UNC5C: variants seen among roughly 807,000 people sequenced by gnomAD.
The protein encoded by UNC5C is netrin receptor UNC5C.
Under a neutral mutation model 99.8 loss-of-function variants are expected in UNC5C, and 47 were observed. The ratio of observed to expected loss-of-function variants is 0.47; its 90% CI spans 0.37 to 0.60. The LOEUF is 0.60. Among genes scored for constraint, UNC5C ranks in the 20% least tolerant of loss-of-function variants. The pLI, the probability that UNC5C is intolerant of heterozygous loss-of-function variation, is 0.00. For synonymous variants in UNC5C, 487 were observed against 452.2 expected (o/e 1.08, Z -0.98); for missense variants, 1,062 against 1,165.9 (o/e 0.91, Z 1.30).
At position 95,333,661 on chromosome 4, in the gene UNC5C, T is replaced by G. The variant is rs185288697; in HGVS notation, c.346+1749A>C. On this transcript the variant is annotated intron_variant, in intron 2 of 15. Transcript: ENST00000453304. ...GGGTGCAGCACACCAACATGGCACA[T>G]GTATACATATGTAACTAACCTGCAC... Among the ~76,000 whole-genome samples, 513 of 152,252 alleles carry G rather than the reference T, an allele frequency of 3.4e-3. 2 individuals are homozygous for G. The highest frequency in any genetic ancestry group is 5.8e-3 in the Non-Finnish European group (393 of 68,000).
chr4:95,256,429 T>A (rs1418094942), intron 4 of UNC5C, among the ~76,000 whole-genome samples: 1 of 152,006 alleles, frequency 6.6e-6, no homozygotes, highest in Non-Finnish European at 1.5e-5. Flanking sequence ...TGTTGACCAC[T>A]TTTTTCCTCT....
rs189118388 is a variant in UNC5C, at chr4:95,225,159, C to T, written c.1109-4983G>A. Among the ~76,000 whole-genome samples the T allele has an allele frequency of 1.7e-4, 26 of 152,186 alleles. No individual in the cohort carries two copies. The South Asian group carries it at 1.9e-3, about 11-fold the overall frequency. On this transcript the variant is annotated intron_variant, in intron 7 of 15. Transcript: ENST00000453304. ...GCAACCTCCGCCTCCCGGGTTCAAGCGATTCTCCTGTCTCAGCCTCCCGAG... is the reference window on the plus strand; with the variant it reads ...GCAACCTCCGCCTCCCGGGTTCAAGTGATTCTCCTGTCTCAGCCTCCCGAG...
intron 1 of UNC5C, among the ~76,000 whole-genome samples, chr4:95,461,617 G>A (rs1009662308): frequency 1.3e-5 from 2 of 152,116 alleles, no homozygotes; most frequent in African/African-American, 4.8e-5. Context: ...CATTTGAATT[G>A]TTTCTGTTAC....
At chr4:95,317,848 C>T (rs375392231) in intron 2 of UNC5C, among the ~76,000 whole-genome samples, 6 of 152,180 alleles carry the variant, frequency 3.9e-5, no homozygotes, top group Non-Finnish European at 7.3e-5. Flanking sequence ...CACTCCTACT[C>T]GGTCTCTCCA....
intron 7 of UNC5C, among the ~76,000 whole-genome samples, chr4:95,222,575 G>T (rs1172265262): frequency 6.6e-6 from 1 of 152,068 alleles, no homozygotes; most frequent in East Asian, 1.9e-4. Context: ...GACATCAGGG[G>T]TCATTAGCAT....
At chr4:95,440,113 C>G (rs1393106507) in intron 1 of UNC5C, among the ~76,000 whole-genome samples, 1 of 152,286 alleles carries the variant, frequency 6.6e-6, no homozygotes, top group South Asian at 2.1e-4. Flanking sequence ...TGCAGCGACC[C>G]TCAGATACCT....
chr4:95,502,091 G>A (rs1721789890), intron 1 of UNC5C, among the ~76,000 whole-genome samples: 1 of 152,014 alleles, frequency 6.6e-6, no homozygotes, highest in Non-Finnish European at 1.5e-5. Flanking sequence ...ATGGTGCTGT[G>A]TTCTTACTTC....
At chr4:95,284,124 AT>A (rs142230181) in intron 3 of UNC5C, among the ~76,000 whole-genome samples, 9 of 150,212 alleles carry the variant, frequency 6.0e-5, no homozygotes, top group South Asian at 2.1e-4. Context: ...GCTTTCAGTG[AT>A]TTTTTTTTTG....
At chr4:95,500,979 A>T (rs535982008) in intron 1 of UNC5C, among the ~76,000 whole-genome samples, 1 of 152,130 alleles carries the variant, frequency 6.6e-6, no homozygotes, top group Non-Finnish European at 1.5e-5. Context: ...CTGCATGATC[A>T]TTAGTCGAAA....
intron 1 of UNC5C, among the ~76,000 whole-genome samples, chr4:95,548,190 G>T (rs1342597993): frequency 2.0e-5 from 3 of 152,126 alleles, no homozygotes; most frequent in Admixed American, 6.6e-5. Flanking sequence ...AGGCGAGGGG[G>T]ACGGGTGCTT....
chr4:95,186,157 TC>T (rs1185487062), intron 12 of UNC5C, among the ~76,000 whole-genome samples: 3 of 152,306 alleles, frequency 2.0e-5, no homozygotes, highest in Middle Eastern at 3.4e-3. Flanking sequence ...GTTACTCCTC[TC>T]ATGCCTTAAA....
chr4:95,175,688 A>G (rs1488710640), intron 14 of UNC5C, among the ~76,000 whole-genome samples: 7 of 151,828 alleles, frequency 4.6e-5, no homozygotes, highest in East Asian at 3.9e-4. Context: ...TTTTTCCTTC[A>G]TTTCAACTTT....
At chr4:95,262,649 C>T (rs1740285568) in intron 4 of UNC5C, among the ~76,000 whole-genome samples, 1 of 151,836 alleles carries the variant, frequency 6.6e-6, no homozygotes, top group Non-Finnish European at 1.5e-5. Flanking sequence ...CAATTTGATC[C>T]CTATGGTCAA....
chr4:95,515,829 G>A (rs2149488735), intron 1 of UNC5C, among the ~76,000 whole-genome samples: 1 of 152,228 alleles, frequency 6.6e-6, no homozygotes, highest in East Asian at 1.9e-4. Context: ...CTATTTTAGG[G>A]CTGTATGCTG....
At chr4:95,240,717 T>C (rs1739301305) in intron 7 of UNC5C, among the ~76,000 whole-genome samples, 1 of 152,224 alleles carries the variant, frequency 6.6e-6, no homozygotes, top group Non-Finnish European at 1.5e-5. Flanking sequence ...CTTCATGCCA[T>C]CATTACTGGC....
chr4:95,480,721 T>C (rs925606293), intron 1 of UNC5C, among the ~76,000 whole-genome samples: 14 of 152,042 alleles, frequency 9.2e-5, no homozygotes, highest in African/African-American at 2.9e-4. Flanking sequence ...AATCAATAAA[T>C]GTAATCCAGC....
intron 1 of UNC5C, among the ~76,000 whole-genome samples, chr4:95,542,284 A>G (rs574193610): frequency 1.3e-5 from 2 of 152,262 alleles, no homozygotes; most frequent in Admixed American, 1.3e-4. Flanking sequence ...CGTTGGCAAT[A>G]AGATGTGTTT....
intron 1 of UNC5C, among the ~76,000 whole-genome samples, chr4:95,434,277 T>C (rs2068943914): frequency 6.6e-6 from 1 of 152,126 alleles, no homozygotes; most frequent in Non-Finnish European, 1.5e-5. Flanking sequence ...CATTATCTCA[T>C]AATCAATTTA....
intron 1 of UNC5C, among the ~76,000 whole-genome samples, chr4:95,505,144 A>C (rs1376766960): frequency 2.6e-5 from 4 of 152,104 alleles, no homozygotes; most frequent in Non-Finnish European, 5.9e-5. Flanking sequence ...TCAGAATTTG[A>C]TTCTAATTAT....
Sources: gnomAD v4.1 joint callset for allele counts (sites outside exome capture counted in the v4.1 genomes callset) on GRCh38, gnomAD v4.1.1 for gene constraint, MANE v1.5 for transcripts, NCBI Gene and HGNC (gene_info 2026-07-23, HGNC 2026-07-21) for gene names.